The following SMARCB1 variants were observed in gnomAD, a reference collection of about 807,000 sequenced individuals.
SMARCB1 encodes the protein SWI/SNF related BAF chromatin remodeling complex subunit B1.
SMARCB1 carries 5 observed loss-of-function variants against 49.0 expected under a neutral mutation model. The observed-to-expected ratio is 0.10, with a 90% CI of 0.05 to 0.21. The LOEUF (loss-of-function observed/expected upper bound fraction) is 0.21. Among genes scored for constraint, SMARCB1 ranks in the 10% least tolerant of loss-of-function variants. The pLI, the probability that SMARCB1 is intolerant of heterozygous loss-of-function variation, is 1.00. For missense variants in SMARCB1, 226 were observed against 509.2 expected (o/e 0.44, Z 5.35); for synonymous variants, 201 against 200.1 (o/e 1.00, Z -0.04).
rs2031229440 is a variant in SMARCB1, at chr22:23,837,907, C to T, written c.*3727C>T. ...CAGGCCTCAGCCCAAGCCCAGGGCC[C>T]CTCTGACTTCCCAAGACCCTGGAAT... On this transcript the variant is annotated 3_prime_UTR_variant, in exon 9 of 9. Coordinates refer to ENST00000644036, the MANE Select transcript of SMARCB1 (RefSeq NM_003073.5). The T allele has an allele frequency of 6.5e-7, 1 of 1,537,370 alleles. No homozygotes were observed. The highest frequency in any genetic ancestry group is 8.8e-7 in the Non-Finnish European group (1 of 1,135,164).
chr22:23,827,094 C>T (rs926907698), intron 7 of SMARCB1, among the ~76,000 whole-genome samples: 2 of 152,194 alleles, frequency 1.3e-5, no homozygotes, highest in Admixed American at 6.5e-5. Flanking sequence ...TCTGAGGCCC[C>T]GGGAGGCAGT....
intron 3 of SMARCB1, among the ~76,000 whole-genome samples, chr22:23,800,538 C>A (rs1929074044): frequency 6.6e-6 from 1 of 152,300 alleles, no homozygotes; most frequent in South Asian, 2.1e-4. Context: ...TGGACTGCCC[C>A]TCAGTCTCTC....
chr22:23,805,814 C>T (rs533801386), intron 5 of SMARCB1, among the ~76,000 whole-genome samples: 10 of 152,262 alleles, frequency 6.6e-5, no homozygotes, highest in South Asian at 4.2e-4. Flanking sequence ...TGCTGTTTCT[C>T]TTAACATAGA....
chr22:23,809,363 A>G (rs1012111521), intron 5 of SMARCB1, among the ~76,000 whole-genome samples: 2 of 147,566 alleles, frequency 1.4e-5, no homozygotes, highest in East Asian at 2.0e-4. Context: ...CACAACCTCT[A>G]CCTCCCGGGT....
At chr22:23,793,782 T>A in intron 3 of SMARCB1, 94 bp downstream of exon 3, 1 of 588,000 alleles carries the variant, frequency 1.7e-6, no homozygotes, top group Non-Finnish European at 2.4e-6. Context: ...ATTGAAACAC[T>A]TTTTTTTTTT....
intron 6 of SMARCB1, among the ~76,000 whole-genome samples, chr22:23,819,474 A>G (rs9612455): frequency 0.12 from 18,797 of 151,932 alleles, 1,249 homozygotes; most frequent in South Asian, 0.27. Context: ...GATTACTGGC[A>G]CCCACCACCA....
chr22:23,837,984 C>T lies in SMARCB1; in HGVS notation c.*3804C>T. ...ATTCCCTCATCAAGATGAGCCAGTC[C>T]AATAAAGGCGACACACTCCACGGGC... On this transcript the variant is annotated 3_prime_UTR_variant, in exon 9 of 9. Coordinates refer to ENST00000644036, the MANE Select transcript of SMARCB1 (RefSeq NM_003073.5). 8.0e-7 allele frequency: 1 copy of T among 1,242,616 alleles called. No homozygotes were observed. The highest frequency in any genetic ancestry group is 1.1e-6 in the Non-Finnish European group (1 of 915,934). The allele number at this position is 1,242,616 out of a possible 1,614,324, so 77.0% of individuals were successfully genotyped here.
intron 5 of SMARCB1, among the ~76,000 whole-genome samples, chr22:23,805,901 A>G (rs943775531): frequency 6.6e-6 from 1 of 152,210 alleles, no homozygotes; most frequent in African/African-American, 2.4e-5. Flanking sequence ...TTTGGGCAAC[A>G]CATAGAAAGT....
chr22:23,825,826 C>T lies in SMARCB1; in HGVS notation c.986+411C>T, dbSNP rs1159664376. The stretch of plus-strand genomic sequence containing the variant: ...TGTTGAACTTGAATTATGTCTTAAA[C>T]ACAAAGGCCCGCCCAGCTTTTGAGA... On this transcript the variant is annotated intron_variant, in intron 7 of 8. Transcript: ENST00000644036. The T allele has an allele frequency of 2.1e-5, 4 of 193,992 alleles. No individual in the cohort carries two copies. The Admixed American group carries it at 2.1e-4, about 10-fold the overall frequency. The allele number at this position is 193,992 out of a possible 1,614,324, so 12.0% of individuals were successfully genotyped here. A position where few individuals can be genotyped will look rare whatever the true frequency, so the allele number is the denominator to read the frequency against.
intron 3 of SMARCB1, among the ~76,000 whole-genome samples, chr22:23,797,838 C>T (rs1023673735): frequency 4.0e-5 from 6 of 151,366 alleles, no homozygotes; most frequent in Admixed American, 6.6e-5. Context: ...AGGCTGGTCT[C>T]GAACTCCTGA....
chr22:23,804,889 T>G (rs1411094798), intron 5 of SMARCB1, among the ~76,000 whole-genome samples: 1 of 152,168 alleles, frequency 6.6e-6, no homozygotes, highest in Non-Finnish European at 1.5e-5. Flanking sequence ...TTCTCCTGGG[T>G]CAAGGCGCCT....
chr22:23,815,542 C>CAAAG (rs386395035), intron 5 of SMARCB1: 2 of 151,878 alleles, frequency 1.3e-5, no homozygotes, highest in Admixed American at 6.6e-5. Flanking sequence ...TCAAAACAAA[C>CAAAG]AAAAAACTAA....
At chr22:23,793,483 G>A (rs1928533393) in intron 2 of SMARCB1, 76 bp from the exon 3 acceptor site, 5 of 1,503,436 alleles carry the variant, frequency 3.3e-6, no homozygotes, top group Non-Finnish European at 4.6e-6. Context: ...GGACCTTGAT[G>A]TGCTGCATCC....
At chr22:23,791,937 C>T (rs377252030) in intron 2 of SMARCB1, 43 bp downstream of exon 2, 6 of 1,601,478 alleles carry the variant, frequency 3.7e-6, no homozygotes, top group Admixed American at 1.7e-5. Context: ...CAAAACCACT[C>T]GCTTATGTCA....
chr22:23,800,143 T>A (rs738795), intron 3 of SMARCB1, among the ~76,000 whole-genome samples: 122,088 of 152,188 alleles, frequency 0.8, 50,624 homozygotes, highest in Non-Finnish European at 0.92. Context: ...TTCGAACTCT[T>A]GACCTCAGGT....
chr22:23,802,829 A>G (rs11703707), intron 4 of SMARCB1: 4,511 of 299,720 alleles, frequency 0.015, 48 homozygotes, highest in Non-Finnish European at 0.022. Context: ...GTGCTTCGAC[A>G]CCCGCTAGCT....
intron 1 of SMARCB1, among the ~76,000 whole-genome samples, chr22:23,787,555 C>G (rs1260504941): frequency 6.6e-6 from 1 of 152,184 alleles, no homozygotes. Flanking sequence ...CAGTCAGACG[C>G]AAAGAAACGG....
intron 3 of SMARCB1, among the ~76,000 whole-genome samples, chr22:23,796,994 G>GTTTTTTT (rs1928790467): frequency 6.9e-6 from 1 of 145,822 alleles, no homozygotes; most frequent in African/African-American, 2.6e-5. Flanking sequence ...AAGGAAGGTT[G>GTTTTTTT]TTTTTCTTTT....
intron 3 of SMARCB1, among the ~76,000 whole-genome samples, chr22:23,795,556 T>C (rs1928689155): frequency 6.6e-6 from 1 of 151,850 alleles, no homozygotes; most frequent in African/African-American, 2.4e-5. Flanking sequence ...TCAGGAAGGC[T>C]GAGGCAGGAG....
Sources: allele counts gnomAD v4.1 joint callset (sites outside exome capture counted in the v4.1 genomes callset), GRCh38; gene constraint gnomAD v4.1.1; transcripts MANE v1.5; gene names NCBI Gene and HGNC (gene_info 2026-07-23, HGNC 2026-07-21).